Variants in SNX9 observed in about 807,000 individuals in gnomAD.
SNX9 encodes the protein sorting nexin-9.
SNX9 carries 44 observed loss-of-function variants against 89.4 expected under a neutral mutation model. The ratio of observed to expected loss-of-function variants is 0.49; its 90% CI spans 0.39 to 0.63. The LOEUF (loss-of-function observed/expected upper bound fraction) is 0.63. SNX9 is among the 30% of genes least tolerant of loss of function. The pLI, the probability that SNX9 is intolerant of heterozygous loss-of-function variation, is 0.00. For synonymous variants in SNX9, 236 were observed against 247.8 expected (o/e 0.95, Z 0.45); for missense variants, 578 against 736.1 (o/e 0.79, Z 2.49).
At chr6:157,900,959 C>T (rs967701742) in intron 5 of SNX9, among the ~76,000 whole-genome samples, 1 of 152,148 alleles carries the variant, frequency 6.6e-6, no homozygotes, top group African/African-American at 2.4e-5. Flanking sequence ...AAGATGAGGG[C>T]GTTTATAGCC....
intron 1 of SNX9, among the ~76,000 whole-genome samples, chr6:157,839,598 C>G (rs1781654647): frequency 6.6e-6 from 1 of 152,202 alleles, no homozygotes; most frequent in South Asian, 2.1e-4. Context: ...TATAATTTTG[C>G]TTTTCTGTAA....
intron 2 of SNX9, among the ~76,000 whole-genome samples, chr6:157,868,801 A>G (rs1012385375): frequency 2.0e-5 from 3 of 152,230 alleles, no homozygotes; most frequent in Admixed American, 2.0e-4. Flanking sequence ...GCAGATAGGG[A>G]GAATTTGTCT....
At chr6:157,890,660 G>C (rs1357367981) in intron 4 of SNX9, among the ~76,000 whole-genome samples, 1 of 152,180 alleles carries the variant, frequency 6.6e-6, no homozygotes, top group African/African-American at 2.4e-5. Context: ...AATTTACAAA[G>C]CGTTTACCCA....
intron 6 of SNX9, among the ~76,000 whole-genome samples, chr6:157,905,147 AC>A (rs1783184248): frequency 6.6e-6 from 1 of 152,146 alleles, no homozygotes; most frequent in South Asian, 2.1e-4. Flanking sequence ...GCTGCAGGAC[AC>A]ATCTGGTCTC....
At chr6:157,918,502 G>A (rs889185434) in intron 9 of SNX9, among the ~76,000 whole-genome samples, 2 of 152,066 alleles carry the variant, frequency 1.3e-5, no homozygotes, top group African/African-American at 2.4e-5. Flanking sequence ...TTGAAATCAA[G>A]CTGTTTCTCT....
chr6:157,840,500 T>C (rs964547406), intron 1 of SNX9, among the ~76,000 whole-genome samples: 1 of 151,860 alleles, frequency 6.6e-6, no homozygotes, highest in Non-Finnish European at 1.5e-5. Flanking sequence ...TTCTTTCTCT[T>C]TCTTTCTTCT....
chr6:157,940,777 C>A, intron 16 of SNX9, 106 bp from the exon 17 acceptor site: 1 of 989,922 alleles, frequency 1.0e-6, no homozygotes. Context: ...CAGCAGCCAA[C>A]CAGATTAGGT....
chr6:157,896,711 T>G (rs1782983843), intron 4 of SNX9, 116 bp from the exon 5 acceptor site: 1 of 1,163,932 alleles, frequency 8.6e-7, no homozygotes, highest in Admixed American at 2.3e-5. Context: ...TTGAATACAT[T>G]TCTATTAATT....
intron 1 of SNX9, among the ~76,000 whole-genome samples, chr6:157,859,118 CT>C (rs1782069474): frequency 6.6e-6 from 1 of 151,902 alleles, no homozygotes; most frequent in African/African-American, 2.4e-5. Flanking sequence ...TGTCTTTTTC[CT>C]CTCATTTTAA....
At chr6:157,862,311 G>T (rs1397778852) in intron 1 of SNX9, among the ~76,000 whole-genome samples, 1 of 152,190 alleles carries the variant, frequency 6.6e-6, no homozygotes, top group Non-Finnish European at 1.5e-5. Flanking sequence ...AATAAGTCAA[G>T]ATAAGATTGA....
chr6:157,891,429 A>G (rs1782858451), intron 4 of SNX9, among the ~76,000 whole-genome samples: 1 of 152,228 alleles, frequency 6.6e-6, no homozygotes. Flanking sequence ...GTCTTTTTAT[A>G]CATAAGGCAA....
chr6:157,888,471 T>C (rs1356113611), intron 4 of SNX9, among the ~76,000 whole-genome samples: 1 of 152,224 alleles, frequency 6.6e-6, no homozygotes, highest in African/African-American at 2.4e-5. Flanking sequence ...ATGCTAGAGT[T>C]TTCTGGAGAA....
At chr6:157,865,326 C>T (rs1204415261) in intron 1 of SNX9, among the ~76,000 whole-genome samples, 1 of 136,682 alleles carries the variant, frequency 7.3e-6, no homozygotes, top group African/African-American at 2.8e-5. Flanking sequence ...GCAACAAGAG[C>T]GAAACAGTCT....
chr6:157,851,591 G>A (rs572712186), intron 1 of SNX9, among the ~76,000 whole-genome samples: 7 of 152,012 alleles, frequency 4.6e-5, no homozygotes, highest in East Asian at 1.9e-4. Context: ...TCATATATTC[G>A]TTGTTTTTTT....
At chr6:157,825,517 A>G (rs965115940) in intron 1 of SNX9, among the ~76,000 whole-genome samples, 2 of 152,196 alleles carry the variant, frequency 1.3e-5, no homozygotes, top group African/African-American at 4.8e-5. Context: ...CTTTGATTAA[A>G]CACGAGCCTT....
intron 1 of SNX9, among the ~76,000 whole-genome samples, chr6:157,836,413 C>T (rs978949699): frequency 3.9e-5 from 6 of 152,098 alleles, no homozygotes; most frequent in Non-Finnish European, 8.8e-5. Flanking sequence ...AAGCTTCCAT[C>T]TGAGAGAGAA....
chr6:157,849,078 T>G (rs771555742), intron 1 of SNX9, among the ~76,000 whole-genome samples: 2 of 152,200 alleles, frequency 1.3e-5, no homozygotes, highest in Non-Finnish European at 2.9e-5. Context: ...ACCACTGCAC[T>G]TCAGCCTGGG....
In SNX9 at chr6:157,928,690, C is replaced by T; in HGVS notation, c.1276C>T (p.Arg426Cys). 2 of 1,601,624 alleles carry T rather than the reference C, an allele frequency of 1.2e-6. No homozygotes were observed. The highest frequency in any genetic ancestry group is 1.7e-6 in the Non-Finnish European group (2 of 1,174,500). The change falls in exon 12 of 18, where the codon CGC becomes TGC. Residue 426 changes from arginine to cysteine, a missense_variant. Physicochemically the swap from Arg to Cys is radical, Grantham distance 180. Coordinates refer to ENST00000392185, the MANE Select transcript of SNX9 (RefSeq NM_016224.5). ...GACGGTGGGGCAGGAGCACTGGAAG[C>T]GCTGCACGGGCCGTAAGTCCACTCC... ...LLTVGQEHWKRCTGPLPKEYQ... is the reference protein window; with the variant it reads ...LLTVGQEHWKCCTGPLPKEYQ...
intron 4 of SNX9, among the ~76,000 whole-genome samples, chr6:157,877,459 G>A (rs1782543051): frequency 6.6e-6 from 1 of 152,054 alleles, no homozygotes; most frequent in South Asian, 2.1e-4. Context: ...CTGTTATCTG[G>A]GATATGAGAA....
Sources: gnomAD v4.1 joint callset for allele counts (sites outside exome capture counted in the v4.1 genomes callset) on GRCh38, gnomAD v4.1.1 for gene constraint, MANE v1.5 for transcripts, NCBI Gene and HGNC (gene_info 2026-07-23, HGNC 2026-07-21) for gene names.